CPEB3: variants seen among roughly 807,000 people sequenced by gnomAD.
The protein encoded by CPEB3 is cytoplasmic polyadenylation element binding protein 3.
In CPEB3, 20 loss-of-function variants were observed where a neutral mutation model predicts 67.2. The observed-to-expected ratio is 0.30, with a 90% CI of 0.21 to 0.43. CPEB3 has a LOEUF of 0.43. Ranked by LOEUF, CPEB3 falls within the 20% of genes least tolerant of loss-of-function variation. CPEB3 has a pLI of 1.00. For synonymous variants in CPEB3, 376 were observed against 393.1 expected, an observed-to-expected ratio of 0.96 and a Z score of 0.51; for missense variants, 746 against 968.6, an observed-to-expected ratio of 0.77 and a Z score of 3.05.
intron 2 of CPEB3, among the ~76,000 whole-genome samples, chr10:92,202,024 T>C (rs1265388701): frequency 1.3e-5 from 2 of 152,136 alleles, no homozygotes; most frequent in African/African-American, 4.8e-5. Context: ...TTTTGATGAA[T>C]TCATCTTGCA....
intron 4 of CPEB3, among the ~76,000 whole-genome samples, chr10:92,152,566 G>C (rs1456633781): frequency 6.6e-6 from 1 of 151,884 alleles, no homozygotes; most frequent in African/African-American, 2.4e-5. Flanking sequence ...ATATTCCCAG[G>C]GAAAAAGGGA....
chr10:92,266,408 C>T (rs1235305812), intron 1 of CPEB3, among the ~76,000 whole-genome samples: 3 of 152,096 alleles, frequency 2.0e-5, no homozygotes, highest in African/African-American at 7.2e-5. Context: ...GCAGTTTGCA[C>T]GGTTGGTCCT....
intron 2 of CPEB3, among the ~76,000 whole-genome samples, chr10:92,223,607 G>A (rs1427320329): frequency 8.5e-6 from 1 of 117,486 alleles, no homozygotes; most frequent in East Asian, 2.4e-4. Context: ...ACAGAGTCTC[G>A]CTGTCACGCA....
intron 1 of CPEB3, among the ~76,000 whole-genome samples, chr10:92,254,105 T>C (rs1164349077): frequency 6.6e-6 from 1 of 151,960 alleles, no homozygotes; most frequent in Non-Finnish European, 1.5e-5. Flanking sequence ...GATGTGCACC[T>C]GTGGTCCCAG....
At chr10:92,071,952 A>G (rs1842769733) in intron 9 of CPEB3, among the ~76,000 whole-genome samples, 1 of 152,172 alleles carries the variant, frequency 6.6e-6, no homozygotes, top group African/African-American at 2.4e-5. Context: ...AAATACCACT[A>G]GAACAGAAAG....
chr10:92,094,463 G>A (rs1393347070), intron 7 of CPEB3, among the ~76,000 whole-genome samples: 15 of 152,038 alleles, frequency 9.9e-5, no homozygotes, highest in South Asian at 2.1e-4. Context: ...TTAGCCGGGC[G>A]TGGTAGCGGG....
chr10:92,283,455 A>T (rs1257161401), intron 1 of CPEB3, among the ~76,000 whole-genome samples: 1 of 152,196 alleles, frequency 6.6e-6, no homozygotes, highest in Non-Finnish European at 1.5e-5. Context: ...TCTGACTAAA[A>T]GAGATTCTGT....
At chr10:92,290,254 G>A (rs910201985) in intron 1 of CPEB3, among the ~76,000 whole-genome samples, 4 of 152,048 alleles carry the variant, frequency 2.6e-5, no homozygotes, top group African/African-American at 9.7e-5. Context: ...ATTCGTTTGA[G>A]CCGACAGCTC....
intron 6 of CPEB3, among the ~76,000 whole-genome samples, chr10:92,120,209 A>AGACCATC (rs1845289249): frequency 6.6e-6 from 1 of 151,414 alleles, no homozygotes; most frequent in African/African-American, 2.4e-5. Flanking sequence ...CAGGAGATTG[A>AGACCATC]GACCATCCTG....
chr10:92,185,903 C>G (rs1045804045), intron 3 of CPEB3, among the ~76,000 whole-genome samples: 3 of 152,144 alleles, frequency 2.0e-5, no homozygotes, highest in Non-Finnish European at 4.4e-5. Context: ...AACTTTGATA[C>G]TAAAATATTC....
intron 8 of CPEB3, among the ~76,000 whole-genome samples, chr10:92,088,399 G>C (rs1843469100): frequency 1.3e-5 from 2 of 151,658 alleles, no homozygotes. Context: ...GCTAATTTTT[G>C]TATTTATTGT....
At chr10:92,289,236 C>T (rs1842681860) in intron 1 of CPEB3, among the ~76,000 whole-genome samples, 1 of 151,906 alleles carries the variant, frequency 6.6e-6, no homozygotes, top group African/African-American at 2.4e-5. Flanking sequence ...AGCGAGACTC[C>T]GTCTCAAAAA....
chr10:92,131,943 T>C lies in CPEB3; in HGVS notation c.1453+11086A>G, dbSNP rs534820016. Among the ~76,000 whole-genome samples, 4 of 152,312 alleles carry C rather than the reference T, an allele frequency of 2.6e-5. No individual in the cohort carries two copies. The South Asian group carries it at 6.2e-4, about 24-fold the overall frequency. ...ATGACTCACATATGTAATTAAAATT[T>C]TTCCAGTATCTGTATTTTAAAAGGT... On this transcript the variant is annotated intron_variant, in intron 6 of 9. Coordinates refer to ENST00000265997, the MANE Select transcript of CPEB3 (RefSeq NM_014912.5).
intron 4 of CPEB3, among the ~76,000 whole-genome samples, chr10:92,146,657 T>C (rs946278852): frequency 6.6e-6 from 1 of 152,220 alleles, no homozygotes; most frequent in Non-Finnish European, 1.5e-5. Context: ...AAAAAGACAC[T>C]GTTTTAATGC....
chr10:92,152,583 T>A (rs1847013193), intron 4 of CPEB3, among the ~76,000 whole-genome samples: 1 of 152,200 alleles, frequency 6.6e-6, no homozygotes, highest in Non-Finnish European at 1.5e-5. Flanking sequence ...GGGAAGAGAA[T>A]ATATGAAACA....
intron 8 of CPEB3, among the ~76,000 whole-genome samples, chr10:92,086,716 C>T (rs1843390177): frequency 1.3e-5 from 2 of 152,166 alleles, no homozygotes; most frequent in African/African-American, 2.4e-5. Context: ...TGAATCTCTG[C>T]TTAACATTTA....
intron 1 of CPEB3, among the ~76,000 whole-genome samples, chr10:92,253,128 T>C (rs1282858289): frequency 1.3e-5 from 2 of 152,154 alleles, no homozygotes; most frequent in Non-Finnish European, 2.9e-5. Context: ...GCTGGTGACA[T>C]ACTTATTCTG....
chr10:92,072,849 C>T (rs1340212368), intron 9 of CPEB3, among the ~76,000 whole-genome samples: 2 of 151,998 alleles, frequency 1.3e-5, no homozygotes, highest in Non-Finnish European at 2.9e-5. Context: ...CTCAAGTATG[C>T]GGAGGCAGAA....
chr10:92,144,838 G>T, intron 5 of CPEB3, 107 bp downstream of exon 5: 1 of 909,608 alleles, frequency 1.1e-6, no homozygotes, highest in Non-Finnish European at 1.7e-6. Flanking sequence ...CACCTCCTAT[G>T]CACTAAGATA....
Sources: allele counts gnomAD v4.1 joint callset (sites outside exome capture counted in the v4.1 genomes callset), GRCh38; gene constraint gnomAD v4.1.1; transcripts MANE v1.5; gene names NCBI Gene and HGNC (gene_info 2026-07-23, HGNC 2026-07-21).